SAMD13: variants seen among roughly 807,000 people sequenced by gnomAD.
The protein encoded by SAMD13 is sterile alpha motif domain-containing protein 13.
A neutral mutation model predicts 12.4 loss-of-function variants in SAMD13; 9 were observed. The ratio of observed to expected loss-of-function variants is 0.72; its 90% CI spans 0.44 to 1.26. The LOEUF (loss-of-function observed/expected upper bound fraction) is 1.26, where lower values mean the gene tolerates loss of function less well. Ranked by LOEUF, SAMD13 falls within the 50% of genes most tolerant of loss-of-function variation. The pLI is 0.00. For missense variants in SAMD13, 84 were observed against 119.6 expected (o/e 0.70, Z 1.39); for synonymous variants, 46 against 45.4 (o/e 1.01, Z -0.05).
intron 3 of SAMD13, among the ~76,000 whole-genome samples, chr1:84,348,795 A>G (rs976673981): frequency 6.6e-6 from 1 of 152,166 alleles, no homozygotes; most frequent in Admixed American, 6.5e-5. Flanking sequence ...TCTGAGCAGA[A>G]CAGGGAAGGG....
intron 2 of SAMD13, among the ~76,000 whole-genome samples, chr1:84,323,273 G>T (rs1376488305): frequency 5.3e-5 from 8 of 152,120 alleles, no homozygotes; most frequent in Non-Finnish European, 8.8e-5. Context: ...TGTTGCTAGT[G>T]TATGGAAAAT....
At chr1:84,344,914 A>T in intron 3 of SAMD13, 1 of 456,732 alleles carries the variant, frequency 2.2e-6, no homozygotes, top group Non-Finnish European at 4.4e-6. Context: ...GAAACAGAGG[A>T]GATGGCAGAG....
upstream of SAMD13, among the ~76,000 whole-genome samples, chr1:84,299,888 C>T (rs2101781726): frequency 6.6e-6 from 1 of 152,150 alleles, no homozygotes; most frequent in South Asian, 2.1e-4. Flanking sequence ...GGGGATGTCC[C>T]TTTGTATATG....
At chr1:84,332,816 A>G (rs556666770) in intron 3 of SAMD13, among the ~76,000 whole-genome samples, 2 of 152,298 alleles carry the variant, frequency 1.3e-5, no homozygotes, top group Admixed American at 1.3e-4. Context: ...GCGTATGTCC[A>G]GAATGGTATT....
At chr1:84,341,711 T>C (rs982904792) in intron 3 of SAMD13, among the ~76,000 whole-genome samples, 2 of 151,700 alleles carry the variant, frequency 1.3e-5, no homozygotes, top group African/African-American at 4.8e-5. Flanking sequence ...GAAAGTGGAG[T>C]TGACATAAAA....
chr1:84,330,911 G>T (rs1679166159), intron 3 of SAMD13, among the ~76,000 whole-genome samples: 1 of 151,982 alleles, frequency 6.6e-6, no homozygotes, highest in South Asian at 2.1e-4. Flanking sequence ...TGCAACTCAA[G>T]GTGACAAATT....
At chr1:84,349,597 C>G in intron 3 of SAMD13, 34 bp from the exon 4 acceptor site, 1 of 1,602,314 alleles carries the variant, frequency 6.2e-7, no homozygotes, top group Admixed American at 1.7e-5. Flanking sequence ...CTTTTGGACT[C>G]ACATGTTGGC....
chr1:84,337,428 C>T (rs182683223), intron 3 of SAMD13, among the ~76,000 whole-genome samples: 145 of 152,358 alleles, frequency 9.5e-4, no homozygotes, highest in African/African-American at 3.3e-3. Flanking sequence ...TTCAACACCA[C>T]ATGGAAGCTG....
upstream of SAMD13, among the ~76,000 whole-genome samples, chr1:84,300,088 C>T (rs957229946): frequency 7.9e-5 from 12 of 152,118 alleles, no homozygotes; most frequent in Non-Finnish European, 2.9e-5. Context: ...CAGTCCAACT[C>T]GCTTCCAATT....
At chr1:84,303,798 T>A (rs1290155789) in intron 2 of SAMD13, 1 of 152,622 alleles carries the variant, frequency 6.6e-6, no homozygotes, top group African/African-American at 2.4e-5. Flanking sequence ...ACATGGTGTT[T>A]ATTTTAAAGT....
At chr1:84,322,995 G>A (rs1411727944) in intron 2 of SAMD13, among the ~76,000 whole-genome samples, 2 of 152,148 alleles carry the variant, frequency 1.3e-5, no homozygotes, top group Non-Finnish European at 2.9e-5. Context: ...GGGGGTACAT[G>A]TGAAGGTCTG....
Position 84,343,855 on chromosome 1 carries a change from A to G in SAMD13, c.166-5776A>G, listed in dbSNP as rs191926618. Among the ~76,000 whole-genome samples, 109 of 152,250 alleles carry G rather than the reference A, an allele frequency of 7.2e-4. No homozygotes were observed. In the East Asian group the frequency reaches 0.019, roughly 26 times the overall value. On this transcript the variant is annotated intron_variant, in intron 3 of 3. Coordinates refer to ENST00000394834, the MANE Select transcript of SAMD13 (RefSeq NM_001134663.2). ...CACATCCTGCACATGTACTTAAAAT[A>G]AAATTTAAATTTAAATTAAAAAAAA... is the stretch of plus-strand genomic sequence containing the variant.
chr1:84,301,663 C>T (rs1267497293), upstream of SAMD13: 4 of 985,262 alleles, frequency 4.1e-6, no homozygotes, highest in Non-Finnish European at 4.8e-6. Flanking sequence ...TGAGAGCCAG[C>T]CTGGTTTTAT....
At chr1:84,346,515 T>G (rs1679538504) in intron 3 of SAMD13, among the ~76,000 whole-genome samples, 1 of 152,220 alleles carries the variant, frequency 6.6e-6, no homozygotes, top group Non-Finnish European at 1.5e-5. Context: ...TTCATCATGA[T>G]GTACATGCAA....
At chr1:84,339,268 G>GT (rs924891352) in intron 3 of SAMD13, among the ~76,000 whole-genome samples, 5 of 151,536 alleles carry the variant, frequency 3.3e-5, no homozygotes, top group African/African-American at 9.7e-5. Context: ...GTTTTGTTTT[G>GT]TTTTTTGTTT....
chr1:84,330,972 A>G (rs1679167158), intron 3 of SAMD13, among the ~76,000 whole-genome samples: 1 of 152,162 alleles, frequency 6.6e-6, no homozygotes, highest in Non-Finnish European at 1.5e-5. Flanking sequence ...GAATAAGAAT[A>G]GTATCTTTAC....
chr1:84,347,586 GT>G (rs1264984687), intron 3 of SAMD13, among the ~76,000 whole-genome samples: 2 of 152,162 alleles, frequency 1.3e-5, no homozygotes, highest in African/African-American at 4.8e-5. Context: ...CCTGATGCCT[GT>G]TTAAAACATG....
intron 2 of SAMD13, among the ~76,000 whole-genome samples, chr1:84,312,610 C>A (rs1214697446): frequency 1.3e-5 from 2 of 151,992 alleles, no homozygotes; most frequent in African/African-American, 2.4e-5. Flanking sequence ...TGACACAAAT[C>A]AAACGGGGGA....
At chr1:84,301,931 A>G in intron 1 of SAMD13, 130 bp downstream of exon 1, 1 of 221,942 alleles carries the variant, frequency 4.5e-6, no homozygotes, top group Non-Finnish European at 7.6e-6. Flanking sequence ...GAAAATGGTG[A>G]ATGTGTAACA....
Sources: allele counts gnomAD v4.1 joint callset (sites outside exome capture counted in the v4.1 genomes callset), GRCh38; gene constraint gnomAD v4.1.1; transcripts MANE v1.5; gene names NCBI Gene and HGNC (gene_info 2026-07-23, HGNC 2026-07-21).